SMOC2: variants seen among roughly 807,000 people sequenced by gnomAD.
SMOC2 encodes SPARC-related modular calcium-binding protein 2.
SMOC2 carries 39 observed loss-of-function variants against 61.4 expected under a neutral mutation model. That is an observed-to-expected ratio of 0.64 (90% CI 0.49 to 0.83). SMOC2 has a LOEUF of 0.83. Ranked by LOEUF, SMOC2 falls within the 40% of genes least tolerant of loss-of-function variation. The pLI is 0.00. For missense variants in SMOC2, 556 were observed against 592.9 expected, an observed-to-expected ratio of 0.94 and a Z score of 0.65; for synonymous variants, 247 against 239.9, an observed-to-expected ratio of 1.03 and a Z score of -0.27.
intron 2 of SMOC2, among the ~76,000 whole-genome samples, chr6:168,518,891 G>A (rs374156154): frequency 6.7e-4 from 101 of 150,882 alleles, no homozygotes; most frequent in Middle Eastern, 3.4e-3. Flanking sequence ...CTGAGCATGC[G>A]TGTGTGTGCG....
At chr6:168,448,441 G>C (rs1781381943) in intron 1 of SMOC2, among the ~76,000 whole-genome samples, 2 of 150,674 alleles carry the variant, frequency 1.3e-5, no homozygotes, top group South Asian at 4.3e-4. Flanking sequence ...TGGGGAGAAG[G>C]ATGAGGATGG....
intron 9 of SMOC2, among the ~76,000 whole-genome samples, chr6:168,616,081 C>G (rs948578020): frequency 6.6e-6 from 1 of 152,176 alleles, no homozygotes; most frequent in East Asian, 1.9e-4. Flanking sequence ...GCCAGGACCT[C>G]GCTTGGTGGC....
chr6:168,552,328 C>T (rs529688982), intron 7 of SMOC2, among the ~76,000 whole-genome samples: 36 of 152,158 alleles, frequency 2.4e-4, no homozygotes, highest in Admixed American at 3.9e-4. Context: ...TAATCATCTT[C>T]GGTAGACATA....
At chr6:168,590,593 G>T (rs1246563504) in intron 7 of SMOC2, among the ~76,000 whole-genome samples, 1 of 150,290 alleles carries the variant, frequency 6.7e-6, no homozygotes, top group African/African-American at 2.4e-5. Context: ...GTGTGAGCTT[G>T]CCAAAAAACT....
intron 9 of SMOC2, among the ~76,000 whole-genome samples, chr6:168,617,427 C>T (rs939561096): frequency 2.0e-5 from 3 of 152,142 alleles, no homozygotes. Context: ...GGACGGGTCT[C>T]CCAGGGGCCC....
chr6:168,571,634 A>G (rs1205169679), intron 7 of SMOC2, among the ~76,000 whole-genome samples: 2 of 152,202 alleles, frequency 1.3e-5, no homozygotes, highest in African/African-American at 4.8e-5. Context: ...GTATTTTGGT[A>G]GGGACACTTC....
chr6:168,525,534 A>G (rs947337771), intron 2 of SMOC2, among the ~76,000 whole-genome samples: 4 of 152,174 alleles, frequency 2.6e-5, no homozygotes, highest in Non-Finnish European at 5.9e-5. Context: ...GAGCTTAGAT[A>G]TGCCTGGAAG....
chr6:168,621,159 C>T (rs1196548216), intron 9 of SMOC2, among the ~76,000 whole-genome samples: 1 of 152,196 alleles, frequency 6.6e-6, no homozygotes, highest in African/African-American at 2.4e-5. Flanking sequence ...AATGGACTGC[C>T]CATTAGTTGT....
chr6:168,503,611 C>T (rs2115045011), intron 1 of SMOC2, among the ~76,000 whole-genome samples: 1 of 152,254 alleles, frequency 6.6e-6, no homozygotes, highest in Non-Finnish European at 1.5e-5. Flanking sequence ...TATTATTACT[C>T]TCATTTTACA....
At position 168,467,164 on chromosome 6, in the gene SMOC2, C is replaced by CACAT. The variant is rs1392267318; in HGVS notation, c.84+25713_84+25714insTACA. Among the ~76,000 whole-genome samples the CACAT allele has an allele frequency of 4.9e-4, 70 of 144,232 alleles. 1 individual carries two copies. The highest frequency in any genetic ancestry group is 2.5e-3 in the Admixed American group (38 of 14,986). The allele number at this position is 144,232 out of a possible 152,430, so 94.6% of individuals were successfully genotyped here. ...ACACACACACACACACACACACACA[C>CACAT]ACACACACACACACACACGTTTATT... On this transcript the variant is annotated intron_variant, in intron 1 of 12. Coordinates refer to ENST00000356284, the MANE Select transcript of SMOC2 (RefSeq NM_001166412.2).
chr6:168,449,740 C>A (rs1209616724), intron 1 of SMOC2, among the ~76,000 whole-genome samples: 9 of 152,220 alleles, frequency 5.9e-5, no homozygotes, highest in Admixed American at 5.2e-4. Context: ...GTGTGACAAG[C>A]ACTTCTGGAC....
intron 2 of SMOC2, among the ~76,000 whole-genome samples, chr6:168,522,997 A>G (rs1005338155): frequency 7.3e-5 from 11 of 151,652 alleles, no homozygotes; most frequent in Non-Finnish European, 1.5e-4. Flanking sequence ...GCCCAACACT[A>G]TGAATGTGCT....
intron 2 of SMOC2, among the ~76,000 whole-genome samples, chr6:168,519,221 G>A (rs1425567292): frequency 6.6e-6 from 1 of 151,048 alleles, no homozygotes; most frequent in African/African-American, 2.4e-5. Context: ...GTGTGTGAGA[G>A]AGTGTGTATA....
intron 2 of SMOC2, among the ~76,000 whole-genome samples, chr6:168,513,538 A>G (rs1041902346): frequency 6.6e-6 from 1 of 152,160 alleles, no homozygotes; most frequent in Non-Finnish European, 1.5e-5. Context: ...AACTTAGTTT[A>G]TTCAAGTGGA....
At chr6:168,469,887 G>A (rs1159458492) in intron 1 of SMOC2, among the ~76,000 whole-genome samples, 2 of 152,238 alleles carry the variant, frequency 1.3e-5, no homozygotes, top group Non-Finnish European at 2.9e-5. Flanking sequence ...TGTCTTTCTC[G>A]TTGTCTTGGG....
At chr6:168,499,085 G>A (rs1276151830) in intron 1 of SMOC2, among the ~76,000 whole-genome samples, 1 of 138,468 alleles carries the variant, frequency 7.2e-6, no homozygotes, top group African/African-American at 2.8e-5. Flanking sequence ...ACTACACATG[G>A]AAACCCTGGG....
chr6:168,500,522 C>T (rs554941248), intron 1 of SMOC2, among the ~76,000 whole-genome samples: 7 of 152,120 alleles, frequency 4.6e-5, no homozygotes, highest in South Asian at 2.1e-4. Context: ...GGTCATGCCC[C>T]GTGTTCTTGC....
intron 8 of SMOC2, among the ~76,000 whole-genome samples, chr6:168,605,749 C>T (rs1295963084): frequency 1.3e-5 from 2 of 152,144 alleles, no homozygotes. Flanking sequence ...GATACAGGTA[C>T]TGATCCTGAA....
At chr6:168,656,859 T>A (rs1562408712) in intron 11 of SMOC2, among the ~76,000 whole-genome samples, 1 of 152,266 alleles carries the variant, frequency 6.6e-6, no homozygotes, top group Non-Finnish European at 1.5e-5. Flanking sequence ...GCCGTCCTGA[T>A]GATGTCTTCA....
Sources: gnomAD v4.1 joint callset for allele counts (sites outside exome capture counted in the v4.1 genomes callset) on GRCh38, gnomAD v4.1.1 for gene constraint, MANE v1.5 for transcripts, NCBI Gene and HGNC (gene_info 2026-07-23, HGNC 2026-07-21) for gene names.